Variants in USP13 observed in about 807,000 individuals in gnomAD.
USP13 encodes the protein ubiquitin specific peptidase 13, also known as ubiquitin carboxyl-terminal hydrolase 13.
A neutral mutation model predicts 107.8 loss-of-function variants in USP13; 68 were observed. The ratio of observed to expected loss-of-function variants is 0.63; its 90% confidence interval spans 0.52 to 0.77. USP13 has a LOEUF of 0.77. Ranked by LOEUF, USP13 falls within the 30% of genes least tolerant of loss-of-function variation. The pLI is 0.00. For synonymous variants in USP13, 377 were observed against 389.5 expected (o/e 0.97, Z 0.38); for missense variants, 945 against 1,093.3 (o/e 0.86, Z 1.91).
rs1385785807 is a variant in USP13 at position 179,723,539 on chromosome 3, A to G, written c.1088+1950A>G. Among the ~76,000 whole-genome samples the G allele has an allele frequency of 2.0e-5, 3 of 152,250 alleles. No individual in the cohort carries two copies. In the East Asian group the frequency reaches 5.8e-4, roughly 29 times the overall value. Reference sequence around the variant, plus strand: ...AGAGGAGCCTATGAAGAAGGGACACACATCCTGATGCATGTGCAGGAGGAG... The same window carrying G: ...AGAGGAGCCTATGAAGAAGGGACACGCATCCTGATGCATGTGCAGGAGGAG... On this transcript the variant is annotated intron_variant, in intron 8 of 20. Transcript: ENST00000263966.
intron 2 of USP13, among the ~76,000 whole-genome samples, chr3:179,687,989 A>G (rs1156409550): frequency 1.3e-5 from 2 of 152,054 alleles, no homozygotes; most frequent in Non-Finnish European, 2.9e-5. Context: ...CTGTGATTTT[A>G]TGCTTTTGTG....
intron 13 of USP13, among the ~76,000 whole-genome samples, chr3:179,751,982 A>G (rs1266072322): frequency 1.3e-5 from 2 of 152,188 alleles, no homozygotes; most frequent in Non-Finnish European, 2.9e-5. Flanking sequence ...ACCTCAGGTG[A>G]TCTGCCCACC....
intron 16 of USP13, among the ~76,000 whole-genome samples, chr3:179,758,533 C>CT (rs1215044159): frequency 7.3e-5 from 11 of 151,520 alleles, no homozygotes; most frequent in Admixed American, 5.3e-4. Flanking sequence ...GAGTCTTGCT[C>CT]TATCACCCAG....
chr3:179,730,115 G>T, intron 8 of USP13, 74 bp from the exon 9 acceptor site: 4 of 1,431,670 alleles, frequency 2.8e-6, no homozygotes, highest in Middle Eastern at 1.8e-4. Flanking sequence ...GTCTTAGCAA[G>T]AATTTTGATG....
intron 1 of USP13, among the ~76,000 whole-genome samples, chr3:179,675,316 A>T (rs1208775609): frequency 6.6e-6 from 1 of 152,176 alleles, no homozygotes; most frequent in Non-Finnish European, 1.5e-5. Context: ...CATGTTTCGT[A>T]TAAGTTGTAG....
chr3:179,722,012 G>A (rs1168105047), intron 8 of USP13, among the ~76,000 whole-genome samples: 2 of 149,334 alleles, frequency 1.3e-5, no homozygotes, highest in Admixed American at 6.7e-5. Context: ...GTTGCAGTGA[G>A]CCAAGATCAT....
intron 1 of USP13, among the ~76,000 whole-genome samples, chr3:179,674,185 GC>G (rs1720826407): frequency 6.6e-6 from 1 of 152,140 alleles, no homozygotes; most frequent in Non-Finnish European, 1.5e-5. Context: ...GAGCCACTGC[GC>G]CCGGCCTGTT....
At position 179,781,640 on chromosome 3, in the gene USP13, A is replaced by G. The variant is rs542742407; in HGVS notation, c.2414-99A>G. 2.9e-5 allele frequency: 28 copies of G among 977,362 alleles called. No homozygotes were observed. The South Asian group carries it at 3.7e-4, about 13-fold the overall frequency. 60.5% of individuals were successfully genotyped at this position (977,362 alleles called of 1,614,324 possible). On this transcript the variant is annotated intron_variant, in intron 19 of 20. Transcript: ENST00000263966. The stretch of plus-strand genomic sequence containing the variant: ...TAGACCTTGTCTTTCAAATCTAAAC[A>G]GTTGCTGGATTATACTATGGTTGGT...
Position 179,653,706 on chromosome 3 carries a change from C to T in USP13, c.168+313C>T, listed in dbSNP as rs772299619. The T allele has an allele frequency of 3.6e-5, 10 of 276,038 alleles. No individual in the cohort carries two copies. In the South Asian group the frequency reaches 5.8e-4, roughly 16 times the overall value. 17.1% of individuals were successfully genotyped at this position (276,038 alleles called of 1,614,324 possible). ...CAAGAGTTCCCTGTTCCGAACTGCA[C>T]GTTGCAGATCGTTTGCGTCCTCCGC... On this transcript the variant is annotated intron_variant, in intron 1 of 20. Coordinates refer to ENST00000263966, the MANE Select transcript of USP13 (RefSeq NM_003940.3). This position sits in a 1 kb window ranked among gnomAD's most constrained non-coding sequence, Gnocchi z 4.0.
rs1168776090 is a variant in USP13 at position 179,765,861 on chromosome 3, C to A, written c.2413+13C>A. 2 of 1,612,660 alleles carry A rather than the reference C, an allele frequency of 1.2e-6. No homozygotes were observed. The highest frequency in any genetic ancestry group is 1.3e-5 in the African/African-American group (1 of 74,884). ...GATGGATCTGGAAGTAAGTTCTTGCCTTAGAGGCTGTCTGAGCAGTCAGAA... is the reference window on the plus strand; with the variant it reads ...GATGGATCTGGAAGTAAGTTCTTGCATTAGAGGCTGTCTGAGCAGTCAGAA... On this transcript the variant is annotated intron_variant, in intron 19 of 20. Transcript: ENST00000263966.
intron 4 of USP13, among the ~76,000 whole-genome samples, chr3:179,704,006 G>A (rs1414589987): frequency 6.6e-6 from 1 of 152,146 alleles, no homozygotes; most frequent in African/African-American, 2.4e-5. Context: ...GGCTTACAAA[G>A]GCATGGGATG....
At chr3:179,749,999 TCA>T (rs1486162339) in intron 13 of USP13, among the ~76,000 whole-genome samples, 3 of 152,120 alleles carry the variant, frequency 2.0e-5, no homozygotes, top group Non-Finnish European at 4.4e-5. Context: ...GTGCCGTGGC[TCA>T]CATCTGTAAT....
chr3:179,756,695 C>T lies in USP13; in HGVS notation c.1922-357C>T, dbSNP rs984710794. ...ATCACCTGAGCCCAGGAGGTCGAGG[C>T]TGCAGTGAGCCATGATTGCTGTACC... is the stretch of plus-strand genomic sequence containing the variant. On this transcript the variant is annotated intron_variant, in intron 15 of 20. Coordinates refer to ENST00000263966, the MANE Select transcript of USP13 (RefSeq NM_003940.3). Among the ~76,000 whole-genome samples, 13 of 152,144 alleles carry T rather than the reference C, an allele frequency of 8.5e-5. 1 individual carries two copies. Among genetic ancestry groups the T allele is most frequent in the Admixed American group, 8.5e-4 (13 of 15,278 alleles).
chr3:179,764,847 A>G (rs1056656585), intron 18 of USP13, among the ~76,000 whole-genome samples: 3 of 152,164 alleles, frequency 2.0e-5, no homozygotes, highest in Non-Finnish European at 4.4e-5. Flanking sequence ...CTTCTTGCCT[A>G]TCCTGATGGG....
At chr3:179,783,928 G>T in intron 20 of USP13, 120 bp from the exon 21 acceptor site, 3 of 678,746 alleles carry the variant, frequency 4.4e-6, no homozygotes, top group Non-Finnish European at 7.3e-6. Flanking sequence ...CAACGAACTT[G>T]AGTATAGTAC....
Position 179,786,984 on chromosome 3 carries a change from A to G in USP13, c.*2843A>G, listed in dbSNP as rs1715930670. 6.6e-6 allele frequency: 1 copy of G among 152,240 alleles called. No individual in the cohort carries two copies. The highest frequency in any genetic ancestry group is 6.5e-5 in the Admixed American group (1 of 15,282). 9.4% of individuals were successfully genotyped at this position (152,240 alleles called of 1,614,324 possible). On this transcript the variant is annotated 3_prime_UTR_variant, in exon 21 of 21. Coordinates refer to ENST00000263966, the MANE Select transcript of USP13 (RefSeq NM_003940.3). The stretch of plus-strand genomic sequence containing the variant: ...GCCAATTGATCTAAATGCCCATATA[A>G]CTAATCAGAAATCCAGTTTGGTTCA...
chr3:179,740,242 A>G lies in USP13; in HGVS notation c.1255-5A>G. 6.2e-7 allele frequency: 1 copy of G among 1,613,878 alleles called. No homozygotes were observed. Among genetic ancestry groups the G allele is most frequent in the Non-Finnish European group, 8.5e-7 (1 of 1,179,816 alleles). Reference sequence around the variant, plus strand: ...TCATAAGTCCATTTCATTTTTATACATTAGCCACAGCAGAACGGGATCTCT... The same window carrying G: ...TCATAAGTCCATTTCATTTTTATACGTTAGCCACAGCAGAACGGGATCTCT... On this transcript the variant is annotated splice_polypyrimidine_tract_variant and splice_region_variant and intron_variant, in intron 10 of 20. Coordinates refer to ENST00000263966, the MANE Select transcript of USP13 (RefSeq NM_003940.3).
intron 3 of USP13, among the ~76,000 whole-genome samples, chr3:179,692,155 A>T (rs927832924): frequency 6.6e-6 from 1 of 152,226 alleles, no homozygotes; most frequent in African/African-American, 2.4e-5. Context: ...AAGAGTCTGG[A>T]AGAATACTCC....
intron 13 of USP13, among the ~76,000 whole-genome samples, chr3:179,750,550 C>T (rs1714576023): frequency 2.6e-5 from 4 of 151,760 alleles, no homozygotes; most frequent in African/African-American, 4.8e-5. Context: ...TTCTGAATTG[C>T]CTTTATTCTT....
Sources: gnomAD v4.1 joint callset for allele counts (sites outside exome capture counted in the v4.1 genomes callset) on GRCh38, gnomAD v4.1.1 for gene constraint, Gnocchi (gnomAD v3.1) non-coding constraint, MANE v1.5 for transcripts, NCBI Gene and HGNC (gene_info 2026-07-23, HGNC 2026-07-21) for gene names.